Variants in NRXN3 observed in about 807,000 individuals in gnomAD.
NRXN3 encodes neurexin III.
Under a neutral mutation model 137.6 loss-of-function variants are expected in NRXN3, and 32 were observed. The observed-to-expected ratio is 0.23, with a 90% CI of 0.18 to 0.31. NRXN3 has a LOEUF of 0.31. Among genes scored for constraint, NRXN3 ranks in the 10% least tolerant of loss-of-function variants. NRXN3 has a pLI of 1.00. For synonymous variants in NRXN3, 798 were observed against 784.5 expected (o/e 1.02, Z -0.29); for missense variants, 1,574 against 2,062.5 (o/e 0.76, Z 4.59).
chr14:78,272,901 A>G (rs925636146), intron 2 of NRXN3, among the ~76,000 whole-genome samples: 1 of 152,128 alleles, frequency 6.6e-6, no homozygotes, highest in African/African-American at 2.4e-5. Context: ...CAACTCCCTT[A>G]AATCAATCTT....
chr14:78,673,167 T>C (rs989850495), intron 6 of NRXN3, among the ~76,000 whole-genome samples: 2 of 152,194 alleles, frequency 1.3e-5, no homozygotes, highest in African/African-American at 4.8e-5. Context: ...AAGTCACCTG[T>C]CATAAATTAA....
intron 15 of NRXN3, among the ~76,000 whole-genome samples, chr14:79,332,753 T>C (rs903422969): frequency 1.3e-5 from 2 of 152,168 alleles, no homozygotes; most frequent in Admixed American, 1.3e-4. Flanking sequence ...AGAATACAAT[T>C]GCTTTTGTGT....
chr14:78,576,946 C>G (rs2096942114), intron 4 of NRXN3, among the ~76,000 whole-genome samples: 1 of 152,174 alleles, frequency 6.6e-6, no homozygotes, highest in Non-Finnish European at 1.5e-5. Flanking sequence ...CTTGCTGATT[C>G]TGGGAATGAT....
intron 15 of NRXN3, among the ~76,000 whole-genome samples, chr14:79,198,515 C>G (rs1164669371): frequency 6.6e-6 from 1 of 152,186 alleles, no homozygotes; most frequent in African/African-American, 2.4e-5. Flanking sequence ...CATTAGACAG[C>G]TATGCCACAG....
intron 4 of NRXN3, among the ~76,000 whole-genome samples, chr14:78,393,124 G>A (rs984924437): frequency 1.3e-5 from 2 of 151,650 alleles, no homozygotes; most frequent in African/African-American, 4.8e-5. Flanking sequence ...ACGGGGGCAA[G>A]GGCCATTTTA....
intron 10 of NRXN3, among the ~76,000 whole-genome samples, chr14:78,946,709 T>C (rs1403440487): frequency 4.6e-5 from 7 of 152,164 alleles, no homozygotes; most frequent in African/African-American, 1.7e-4. Flanking sequence ...TTTACATCCA[T>C]ACTGTGCCCA....
intron 1 of NRXN3, among the ~76,000 whole-genome samples, chr14:78,237,010 G>C (rs557194544): frequency 6.6e-6 from 1 of 152,326 alleles, no homozygotes; most frequent in African/African-American, 2.4e-5. Flanking sequence ...TTTAATTGAG[G>C]GAGCACATTT....
chr14:79,848,831 G>A (rs1269579738), intron 20 of NRXN3, among the ~76,000 whole-genome samples: 1 of 152,078 alleles, frequency 6.6e-6, no homozygotes, highest in Admixed American at 6.6e-5. Flanking sequence ...ATAATTTTCA[G>A]TTTAAGCCTC....
chr14:79,590,729 C>T (rs1273697156), intron 16 of NRXN3, among the ~76,000 whole-genome samples: 1 of 152,220 alleles, frequency 6.6e-6, no homozygotes, highest in Non-Finnish European at 1.5e-5. Flanking sequence ...CCCAAGCCTA[C>T]AGTCTTCTGT....
intron 15 of NRXN3, among the ~76,000 whole-genome samples, chr14:79,018,575 A>G (rs1453073171): frequency 6.6e-6 from 1 of 152,082 alleles, no homozygotes; most frequent in African/African-American, 2.4e-5. Flanking sequence ...GCTCCTCTGG[A>G]CAGTGTTTTA....
At chr14:78,405,007 A>G (rs540142136) in intron 4 of NRXN3, among the ~76,000 whole-genome samples, 47 of 152,352 alleles carry the variant, frequency 3.1e-4, no homozygotes, top group Admixed American at 1.3e-4. Context: ...AATGAAAATT[A>G]ACATCATTAG....
intron 15 of NRXN3, among the ~76,000 whole-genome samples, chr14:79,428,731 A>G (rs2095697019): frequency 6.6e-6 from 1 of 152,156 alleles, no homozygotes; most frequent in Admixed American, 6.5e-5. Flanking sequence ...AGAAGTAAGC[A>G]AGACGGAGGA....
At chr14:79,611,100 G>A (rs975162150) in intron 16 of NRXN3, among the ~76,000 whole-genome samples, 2 of 152,132 alleles carry the variant, frequency 1.3e-5, no homozygotes, top group Non-Finnish European at 2.9e-5. Context: ...TCAGGATGCA[G>A]TTTCAACTAG....
At chr14:78,579,072 C>G (rs1193194715) in intron 4 of NRXN3, among the ~76,000 whole-genome samples, 1 of 152,124 alleles carries the variant, frequency 6.6e-6, no homozygotes, top group Non-Finnish European at 1.5e-5. Context: ...TATTCTGTGC[C>G]TGGCTGGACT....
chr14:79,410,942 G>A (rs1239705472), intron 15 of NRXN3, among the ~76,000 whole-genome samples: 2 of 152,010 alleles, frequency 1.3e-5, no homozygotes, highest in Non-Finnish European at 2.9e-5. Context: ...ACAGTTTTGG[G>A]GGGGAAGATG....
chr14:79,703,812 G>A (rs550772690), intron 19 of NRXN3, among the ~76,000 whole-genome samples: 44 of 152,136 alleles, frequency 2.9e-4, no homozygotes, highest in Non-Finnish European at 4.7e-4. Context: ...TACCTTTCCC[G>A]TAGGCTCCTT....
chr14:79,082,391 T>TTGTGTGTGTGTG (rs57728169), intron 15 of NRXN3, among the ~76,000 whole-genome samples: 1,474 of 146,994 alleles, frequency 0.01, 17 homozygotes, highest in East Asian at 0.027. Context: ...TGCAAACTAA[T>TTGTGTGTGTGTG]TGTGTGTGTG....
chr14:79,532,114 T>A (rs1025797978), intron 16 of NRXN3, among the ~76,000 whole-genome samples: 2 of 152,156 alleles, frequency 1.3e-5, no homozygotes, highest in African/African-American at 4.8e-5. Context: ...CTCTTCTCAA[T>A]GTTCTGAAAA....
At chr14:79,266,706 A>C (rs1438615273) in intron 15 of NRXN3, among the ~76,000 whole-genome samples, 2 of 152,182 alleles carry the variant, frequency 1.3e-5, no homozygotes, top group Non-Finnish European at 2.9e-5. Context: ...TGACATCCAA[A>C]GGGAAGGGAG....
Sources: allele counts gnomAD v4.1 joint callset (sites outside exome capture counted in the v4.1 genomes callset), GRCh38; gene constraint gnomAD v4.1.1; transcripts MANE v1.5; gene names NCBI Gene and HGNC (gene_info 2026-07-23, HGNC 2026-07-21).